Variants in ZNF385D observed in about 807,000 individuals in gnomAD.
The protein encoded by ZNF385D is zinc finger protein 385D.
In ZNF385D, 15 loss-of-function variants were observed where a neutral mutation model predicts 35.8. The observed-to-expected ratio is 0.42, with a 90% CI of 0.28 to 0.64. ZNF385D has a LOEUF of 0.64. Ranked by LOEUF, ZNF385D falls within the 30% of genes least tolerant of loss-of-function variation. The pLI, the probability that ZNF385D is intolerant of heterozygous loss-of-function variation, is 0.23. For missense variants in ZNF385D, 474 were observed against 494.6 expected, an observed-to-expected ratio of 0.96 and a Z score of 0.39; for synonymous variants, 212 against 186.8, an observed-to-expected ratio of 1.13 and a Z score of -1.10.
chr3:21,681,447 G>A (rs1158321408), intron 1 of ZNF385D, among the ~76,000 whole-genome samples: 1 of 151,502 alleles, frequency 6.6e-6, no homozygotes, highest in Non-Finnish European at 1.5e-5. Flanking sequence ...TTTCAGTAAT[G>A]AGATATTTCA....
intron 2 of ZNF385D, among the ~76,000 whole-genome samples, chr3:21,650,180 A>AG (rs2065869287): frequency 6.6e-6 from 1 of 152,222 alleles, no homozygotes; most frequent in Non-Finnish European, 1.5e-5. Flanking sequence ...CACAGTATAA[A>AG]GAATTATATA....
intron 3 of ZNF385D, among the ~76,000 whole-genome samples, chr3:21,780,874 C>T (rs2125635396): frequency 6.6e-6 from 1 of 152,096 alleles, no homozygotes; most frequent in Middle Eastern, 3.4e-3. Flanking sequence ...CTTTGGTTGT[C>T]CAAAATGGTT....
chr3:21,782,056 C>G (rs1243208087), intron 3 of ZNF385D, among the ~76,000 whole-genome samples: 1 of 152,072 alleles, frequency 6.6e-6, no homozygotes, highest in African/African-American at 2.4e-5. Flanking sequence ...TTTGTTCCTC[C>G]TCTGTGGAAA....
chr3:21,868,357 T>C (rs1697497737), intron 3 of ZNF385D, among the ~76,000 whole-genome samples: 1 of 152,156 alleles, frequency 6.6e-6, no homozygotes, highest in African/African-American at 2.4e-5. Context: ...GATAATTCTA[T>C]GATTTTATGA....
chr3:21,452,135 A>G lies in ZNF385D; in HGVS notation c.440-14932T>C, dbSNP rs143511110. 2.8e-4 allele frequency among the ~76,000 whole-genome samples: 42 copies of G among 152,196 alleles called. 1 individual carries two copies. The East Asian group carries it at 7.3e-3, about 27-fold the overall frequency. ...GTAGCAATATCATTAGGCAATTTAA[A>G]TTTAATGTACCATGTCAGATTTCTA... On this transcript the variant is annotated intron_variant, in intron 4 of 7. Coordinates refer to ENST00000281523, the MANE Select transcript of ZNF385D (RefSeq NM_024697.3).
chr3:21,527,404 G>A (rs910068872), intron 3 of ZNF385D, among the ~76,000 whole-genome samples: 3 of 152,036 alleles, frequency 2.0e-5, no homozygotes, highest in African/African-American at 2.4e-5. Context: ...ACTAGGCCCC[G>A]AACTTTATTT....
At chr3:21,601,127 T>C (rs1032381485) in intron 2 of ZNF385D, among the ~76,000 whole-genome samples, 2 of 152,200 alleles carry the variant, frequency 1.3e-5, no homozygotes, top group African/African-American at 4.8e-5. Flanking sequence ...ATCACTTTAA[T>C]AACAATTAAA....
chr3:21,565,746 T>C (rs1263613719), intron 2 of ZNF385D, among the ~76,000 whole-genome samples: 3 of 152,200 alleles, frequency 2.0e-5, no homozygotes, highest in Non-Finnish European at 2.9e-5. Flanking sequence ...AACACTATAC[T>C]CATTGTTGGC....
chr3:21,629,097 TA>T (rs1052751587), intron 2 of ZNF385D, among the ~76,000 whole-genome samples: 4 of 151,926 alleles, frequency 2.6e-5, no homozygotes, highest in Admixed American at 6.6e-5. Context: ...GGCCTTTTTT[TA>T]AAAAAAATTG....
chr3:21,652,348 T>G (rs967669913), intron 2 of ZNF385D, among the ~76,000 whole-genome samples: 1 of 152,180 alleles, frequency 6.6e-6, no homozygotes, highest in Non-Finnish European at 1.5e-5. Flanking sequence ...TAGATATGCC[T>G]CTCATGTCAT....
chr3:22,087,512 G>A (rs1434565092), intron 3 of ZNF385D, among the ~76,000 whole-genome samples: 2 of 152,108 alleles, frequency 1.3e-5, no homozygotes. Context: ...GGTCCTGTTT[G>A]CTGAAATGTA....
intron 2 of ZNF385D, among the ~76,000 whole-genome samples, chr3:22,281,355 T>C (rs1255049365): frequency 6.6e-6 from 1 of 152,178 alleles, no homozygotes; most frequent in East Asian, 1.9e-4. Flanking sequence ...CCACTCAGTA[T>C]AATGTGGGCT....
intron 3 of ZNF385D, among the ~76,000 whole-genome samples, chr3:21,983,447 G>C (rs1576081390): frequency 3.6e-5 from 4 of 111,700 alleles, no homozygotes; most frequent in East Asian, 2.4e-4. Context: ...AGTTTACTGA[G>C]AATGATGGTT....
intron 3 of ZNF385D, among the ~76,000 whole-genome samples, chr3:21,872,820 G>A (rs200981778): frequency 6.6e-6 from 1 of 152,072 alleles, no homozygotes; most frequent in East Asian, 1.9e-4. Context: ...CTCTAAAGAT[G>A]TAATTGTATA....
chr3:21,867,548 C>G (rs951537341), intron 3 of ZNF385D, among the ~76,000 whole-genome samples: 8 of 152,220 alleles, frequency 5.3e-5, no homozygotes, highest in African/African-American at 1.7e-4. Context: ...AAGATTGCGT[C>G]TTGATTTACT....
intron 1 of ZNF385D, among the ~76,000 whole-genome samples, chr3:21,666,697 G>A (rs1286559938): frequency 6.6e-6 from 1 of 152,184 alleles, no homozygotes; most frequent in East Asian, 1.9e-4. Context: ...TGATAGACCT[G>A]TCATGAGTTT....
chr3:21,941,023 T>C (rs1701490599), intron 3 of ZNF385D, among the ~76,000 whole-genome samples: 1 of 152,136 alleles, frequency 6.6e-6, no homozygotes, highest in Non-Finnish European at 1.5e-5. Context: ...TAAAGATCAA[T>C]GAGGGACAAA....
At chr3:21,777,189 T>C (rs2125627084) in intron 3 of ZNF385D, among the ~76,000 whole-genome samples, 1 of 152,130 alleles carries the variant, frequency 6.6e-6, no homozygotes, top group East Asian at 1.9e-4. Flanking sequence ...ATTGCAAAGT[T>C]CTGTTTTGTT....
At chr3:21,841,935 CAT>C (rs1340667871) in intron 3 of ZNF385D, among the ~76,000 whole-genome samples, 2 of 151,158 alleles carry the variant, frequency 1.3e-5, no homozygotes, top group Non-Finnish European at 3.0e-5. Flanking sequence ...CACATATATA[CAT>C]ATATATACAC....
Sources: allele counts gnomAD v4.1 joint callset (sites outside exome capture counted in the v4.1 genomes callset), GRCh38; gene constraint gnomAD v4.1.1; transcripts MANE v1.5; gene names NCBI Gene and HGNC (gene_info 2026-07-23, HGNC 2026-07-21).